The following GRIK4 variants were observed in gnomAD, a reference collection of about 807,000 sequenced individuals.
The protein encoded by GRIK4 is glutamate ionotropic receptor kainate type subunit 4.
A neutral mutation model predicts 104.9 loss-of-function variants in GRIK4; 40 were observed. The ratio of observed to expected loss-of-function variants is 0.38; its 90% CI spans 0.30 to 0.50. The LOEUF (loss-of-function observed/expected upper bound fraction) is 0.50, where lower values mean the gene tolerates loss of function less well. Among genes scored for constraint, GRIK4 ranks in the 20% least tolerant of loss-of-function variants. The pLI is 0.93. For synonymous variants in GRIK4, 485 were observed against 524.9 expected, an observed-to-expected ratio of 0.92 and a Z score of 1.04; for missense variants, 1,047 against 1,308.1, an observed-to-expected ratio of 0.80 and a Z score of 3.08.
chr11:120,906,306 G>C (rs997636217), intron 13 of GRIK4, among the ~76,000 whole-genome samples: 1 of 152,204 alleles, frequency 6.6e-6, no homozygotes, highest in African/African-American at 2.4e-5. Context: ...CACAGACCTG[G>C]GTTCTTGATG....
At chr11:120,564,168 G>T (rs1948276786) in intron 1 of GRIK4, among the ~76,000 whole-genome samples, 1 of 152,190 alleles carries the variant, frequency 6.6e-6, no homozygotes, top group Non-Finnish European at 1.5e-5. Flanking sequence ...CTCTCCCCAC[G>T]TGCGCGCTAG....
intron 1 of GRIK4, among the ~76,000 whole-genome samples, chr11:120,531,704 T>C (rs1310539709): frequency 6.6e-6 from 1 of 152,032 alleles, no homozygotes; most frequent in Admixed American, 6.6e-5. Flanking sequence ...GCCTCCCGAG[T>C]AGCTGGTACT....
At position 120,532,890 on chromosome 11, in the gene GRIK4, G is replaced by A. The variant is rs114278268; in HGVS notation, c.-159+21003G>A. On this transcript the variant is annotated intron_variant, in intron 1 of 20. Coordinates refer to ENST00000527524, the MANE Select transcript of GRIK4 (RefSeq NM_014619.5). Reference sequence around the variant, plus strand: ...GCCTGGAGACTTAGGGGATGAGCCCGGTAGGGCTGCTGGCTTCATTCACTC... The same window carrying A: ...GCCTGGAGACTTAGGGGATGAGCCCAGTAGGGCTGCTGGCTTCATTCACTC... Among the ~76,000 whole-genome samples the A allele has an allele frequency of 2.3e-4, 35 of 152,254 alleles. No homozygotes were observed. The South Asian group carries it at 6.2e-3, about 27-fold the overall frequency.
chr11:120,765,139 G>A (rs1464757881), intron 3 of GRIK4, among the ~76,000 whole-genome samples: 1 of 151,926 alleles, frequency 6.6e-6, no homozygotes, highest in Non-Finnish European at 1.5e-5. Context: ...ATATTTCTTG[G>A]AGGCTTTGTT....
intron 3 of GRIK4, among the ~76,000 whole-genome samples, chr11:120,790,673 G>T (rs1952376194): frequency 6.6e-6 from 1 of 152,212 alleles, no homozygotes; most frequent in Non-Finnish European, 1.5e-5. Flanking sequence ...AGGTGCATCT[G>T]CAGTGGAGAG....
At chr11:120,601,958 A>G (rs4611216) in intron 1 of GRIK4, among the ~76,000 whole-genome samples, 102,665 of 151,898 alleles carry the variant, frequency 0.68, 34,997 homozygotes, top group Non-Finnish European at 0.7. Flanking sequence ...CTAGGCTATC[A>G]GTGACCCCTG....
At chr11:120,787,461 ATTTTATTTT>A (rs1330024745) in intron 3 of GRIK4, among the ~76,000 whole-genome samples, 3 of 148,576 alleles carry the variant, frequency 2.0e-5, no homozygotes, top group African/African-American at 7.7e-5. Context: ...TATTTATTTT[ATTTTATTTT>A]ATTTTATTTT....
chr11:120,555,728 C>T lies in GRIK4; in HGVS notation c.-159+43841C>T, dbSNP rs575546457. Among the ~76,000 whole-genome samples, 3 of 152,282 alleles carry T rather than the reference C, an allele frequency of 2.0e-5. No individual in the cohort carries two copies. Among genetic ancestry groups the T allele is most frequent in the South Asian group, 2.1e-4 (1 of 4,812 alleles). ...TCCTTTCGACTTCTCAGGAAAGCTG[C>T]GGGTGGCACAAAGTTTGCAAATTCC... is the stretch of plus-strand genomic sequence containing the variant. On this transcript the variant is annotated intron_variant, in intron 1 of 20. Transcript: ENST00000527524. The surrounding 1 kb of genome is among the most constrained non-coding windows in gnomAD (Gnocchi z 5.3).
At chr11:120,625,984 A>T (rs1949254102) in intron 1 of GRIK4, among the ~76,000 whole-genome samples, 1 of 152,256 alleles carries the variant, frequency 6.6e-6, no homozygotes, top group South Asian at 2.1e-4. Flanking sequence ...GGCCAACTTC[A>T]TCTGCTGAGG....
At chr11:120,715,045 T>C (rs1950802871) in intron 3 of GRIK4, among the ~76,000 whole-genome samples, 2 of 152,188 alleles carry the variant, frequency 1.3e-5, no homozygotes, top group Admixed American at 1.3e-4. Context: ...GGCTTTGCAC[T>C]GGAGGTGTCC....
At chr11:120,932,905 A>G (rs546222321) in intron 13 of GRIK4, among the ~76,000 whole-genome samples, 28 of 152,208 alleles carry the variant, frequency 1.8e-4, no homozygotes, top group Admixed American at 3.3e-4. Flanking sequence ...TCAGAGAAGA[A>G]AGATCTGGAA....
Position 120,988,553 on chromosome 11 carries a change from A to G in GRIK4, c.*2293A>G, listed in dbSNP as rs1944795388. The G allele has an allele frequency of 2.0e-5, 3 of 152,188 alleles. No individual in the cohort carries two copies. 9.4% of individuals were successfully genotyped at this position (152,188 alleles called of 1,614,324 possible). The stretch of plus-strand genomic sequence containing the variant: ...TCTTTCTCCGTGTGGAATCAAGATA[A>G]GACTGCCAGCACTAGACGGTTTCTG... On this transcript the variant is annotated 3_prime_UTR_variant, in exon 21 of 21. Transcript: ENST00000527524.
chr11:120,517,669 G>T (rs1023721755), intron 1 of GRIK4, among the ~76,000 whole-genome samples: 19 of 152,238 alleles, frequency 1.2e-4, no homozygotes, highest in African/African-American at 4.3e-4. Context: ...GGCTAGGATT[G>T]CTGCCTCGAT....
At chr11:120,762,878 G>C (rs1317206717) in intron 3 of GRIK4, among the ~76,000 whole-genome samples, 1 of 152,170 alleles carries the variant, frequency 6.6e-6, no homozygotes, top group Non-Finnish European at 1.5e-5. Context: ...ATGTTCATCA[G>C]GAATATTGGC....
At chr11:120,808,185 G>T (rs1431108758) in intron 4 of GRIK4, among the ~76,000 whole-genome samples, 2 of 152,226 alleles carry the variant, frequency 1.3e-5, no homozygotes, top group Admixed American at 6.5e-5. Context: ...CCTGGCTTCA[G>T]TGTAGAGCAA....
rs140445361 is a variant in GRIK4 at position 120,537,048 on chromosome 11, A to C, written c.-159+25161A>C. Among the ~76,000 whole-genome samples, 806 of 152,292 alleles carry C rather than the reference A, an allele frequency of 5.3e-3. 3 individuals carry two copies. The highest frequency in any genetic ancestry group is 6.8e-3 in the Non-Finnish European group (465 of 68,030). The stretch of plus-strand genomic sequence containing the variant: ...ACTCTGAGACACGTTGATAAAGTCC[A>C]CAGTTCTTTCGGAAGAGAGCTGGCA... On this transcript the variant is annotated intron_variant, in intron 1 of 20. Coordinates refer to ENST00000527524, the MANE Select transcript of GRIK4 (RefSeq NM_014619.5).
At chr11:120,831,252 C>G (rs1953420184) in intron 6 of GRIK4, among the ~76,000 whole-genome samples, 1 of 152,216 alleles carries the variant, frequency 6.6e-6, no homozygotes, top group South Asian at 2.1e-4. Context: ...GGGAATTGCT[C>G]CTCCACCTCC....
At chr11:120,583,711 C>G (rs747829587) in intron 1 of GRIK4, among the ~76,000 whole-genome samples, 4 of 152,134 alleles carry the variant, frequency 2.6e-5, no homozygotes, top group Non-Finnish European at 5.9e-5. Flanking sequence ...TTTTTGGTTG[C>G]ATATGAATTT....
chr11:120,754,292 G>C (rs142590613), intron 3 of GRIK4, among the ~76,000 whole-genome samples: 2 of 152,210 alleles, frequency 1.3e-5, no homozygotes, highest in African/African-American at 4.8e-5. Flanking sequence ...GATTATAGGC[G>C]TGAAGCACTG....
Sources: allele counts gnomAD v4.1 joint callset (sites outside exome capture counted in the v4.1 genomes callset), GRCh38; gene constraint gnomAD v4.1.1; non-coding constraint Gnocchi (gnomAD v3.1); transcripts MANE v1.5; gene names NCBI Gene and HGNC (gene_info 2026-07-23, HGNC 2026-07-21).